Variants in LRP1B observed in about 807,000 individuals in gnomAD.
LRP1B encodes the protein low-density lipoprotein receptor-related protein 1B.
LRP1B carries 217 observed loss-of-function variants against 556.6 expected under a neutral mutation model. The ratio of observed to expected loss-of-function variants is 0.39; its 90% CI spans 0.35 to 0.44. The LOEUF (loss-of-function observed/expected upper bound fraction) is 0.44, where lower values mean the gene tolerates loss of function less well. LRP1B is among the 20% of genes least tolerant of loss of function. The pLI is 1.00. For synonymous variants in LRP1B, 2,047 were observed against 1,865.8 expected, an observed-to-expected ratio of 1.10 and a Z score of -2.50; for missense variants, 5,053 against 5,620.8, an observed-to-expected ratio of 0.90 and a Z score of 3.23.
chr2:140,322,719 C>T (rs528514993), intron 81 of LRP1B, among the ~76,000 whole-genome samples: 8 of 152,082 alleles, frequency 5.3e-5, no homozygotes, highest in African/African-American at 1.9e-4. Flanking sequence ...GCATCCTTTG[C>T]AGTCATAGCT....
At chr2:140,903,431 G>A (rs1355205104) in intron 22 of LRP1B, among the ~76,000 whole-genome samples, 1 of 151,986 alleles carries the variant, frequency 6.6e-6, no homozygotes. Context: ...AGTTTGCTTT[G>A]CCCCACAGAT....
intron 3 of LRP1B, among the ~76,000 whole-genome samples, chr2:141,431,669 T>A (rs1680567167): frequency 6.6e-6 from 1 of 152,180 alleles, no homozygotes; most frequent in African/African-American, 2.4e-5. Flanking sequence ...AATGGTGTGT[T>A]TTTAGGATAT....
At chr2:141,794,135 C>T (rs1695720685) in intron 2 of LRP1B, among the ~76,000 whole-genome samples, 1 of 151,812 alleles carries the variant, frequency 6.6e-6, no homozygotes, top group Non-Finnish European at 1.5e-5. Flanking sequence ...AAGAAAGTAA[C>T]TTTTCCCCCC....
rs146565617 is a variant in LRP1B at position 142,122,811 on chromosome 2, G to T, written c.82+7837C>A. The stretch of plus-strand genomic sequence containing the variant: ...AAAAGTTAATAGAGTTGGATAAAGT[G>T]GAATATTTCAATAAAGCACACTTGC... On this transcript the variant is annotated intron_variant, in intron 1 of 90. Coordinates refer to ENST00000389484, the MANE Select transcript of LRP1B (RefSeq NM_018557.3). Among the ~76,000 whole-genome samples, 526 of 151,912 alleles carry T rather than the reference G, an allele frequency of 3.5e-3. 2 individuals carry two copies. Among genetic ancestry groups the T allele is most frequent in the African/African-American group, 0.012 (478 of 41,462 alleles).
chr2:141,194,763 A>G (rs553271347), intron 6 of LRP1B, among the ~76,000 whole-genome samples: 1 of 152,174 alleles, frequency 6.6e-6, no homozygotes, highest in East Asian at 1.9e-4. Context: ...TATATTAAAT[A>G]AACAAAATAC....
intron 32 of LRP1B, among the ~76,000 whole-genome samples, chr2:140,792,333 G>A (rs1317926653): frequency 6.6e-6 from 1 of 152,032 alleles, no homozygotes; most frequent in Non-Finnish European, 1.5e-5. Flanking sequence ...GAGGGTAGAG[G>A]AAAAGTTTTC....
At chr2:141,683,719 G>T (rs964888465) in intron 2 of LRP1B, among the ~76,000 whole-genome samples, 2 of 152,120 alleles carry the variant, frequency 1.3e-5, no homozygotes, top group African/African-American at 4.8e-5. Flanking sequence ...TAAATTATCA[G>T]CTTGTCTTGA....
At chr2:141,839,819 T>C (rs968857244) in intron 1 of LRP1B, among the ~76,000 whole-genome samples, 1 of 152,172 alleles carries the variant, frequency 6.6e-6, no homozygotes, top group African/African-American at 2.4e-5. Flanking sequence ...GAAATCACAA[T>C]AGATTTACCC....
intron 2 of LRP1B, among the ~76,000 whole-genome samples, chr2:141,765,998 C>T (rs762182569): frequency 2.3e-4 from 35 of 152,218 alleles, no homozygotes; most frequent in Non-Finnish European, 4.3e-4. Context: ...AAAAGGAGCA[C>T]GTGAAAAAAA....
intron 66 of LRP1B, among the ~76,000 whole-genome samples, chr2:140,417,752 A>G (rs531276602): frequency 4.6e-5 from 7 of 152,316 alleles, no homozygotes; most frequent in Admixed American, 3.9e-4. Flanking sequence ...TACATCACCT[A>G]TAGAGAAATG....
intron 66 of LRP1B, among the ~76,000 whole-genome samples, chr2:140,423,409 CAG>C (rs898753063): frequency 1.4e-4 from 21 of 152,056 alleles, no homozygotes; most frequent in Non-Finnish European, 4.4e-5. Context: ...AAGCAAATCA[CAG>C]TGTTAATAAA....
intron 66 of LRP1B, among the ~76,000 whole-genome samples, chr2:140,411,554 C>A (rs1025222879): frequency 1.3e-5 from 2 of 151,954 alleles, no homozygotes; most frequent in African/African-American, 4.8e-5. Context: ...TTAGAAATAG[C>A]CACAGAGACC....
intron 41 of LRP1B, among the ~76,000 whole-genome samples, chr2:140,655,941 T>C (rs1345344263): frequency 7.5e-6 from 1 of 133,416 alleles, no homozygotes; most frequent in Non-Finnish European, 1.6e-5. Context: ...AGACTCCGTC[T>C]CAAAAAAAAC....
At chr2:141,393,879 C>A (rs575748913) in intron 3 of LRP1B, among the ~76,000 whole-genome samples, 5 of 152,130 alleles carry the variant, frequency 3.3e-5, no homozygotes, top group Admixed American at 2.0e-4. Context: ...ATTTCATAGT[C>A]TTGTTTTCAC....
In LRP1B at chr2:142,130,719, A is replaced by T; in HGVS notation, c.11T>A (p.Phe4Tyr). The change falls in exon 1 of 91, where the codon TTT becomes TAT. Residue 4 changes from phenylalanine to tyrosine, a missense_variant. Physicochemically the swap from Phe to Tyr is conservative, Grantham distance 22. This residue lies in a region of LRP1B where 3,619 missense variants were observed against 3,931.9 expected (regional missense o/e 0.92). Transcript: ENST00000389484. Reference sequence around the variant, plus strand: ...CGAGAGAGTGAGTAAGGCGAGGAGAAACTCGGACATTGTGGTCGCCCGGTA... The same window carrying T: ...CGAGAGAGTGAGTAAGGCGAGGAGATACTCGGACATTGTGGTCGCCCGGTA... MSE[F>Y]LLALLTLSGL... The T allele has an allele frequency of 1.2e-6, 2 of 1,612,672 alleles. No individual in the cohort carries two copies. The highest frequency in any genetic ancestry group is 1.1e-5 in the South Asian group (1 of 90,768).
At chr2:140,389,639 C>T (rs1041118063) in intron 66 of LRP1B, among the ~76,000 whole-genome samples, 1 of 148,434 alleles carries the variant, frequency 6.7e-6, no homozygotes, top group Non-Finnish European at 1.5e-5. Context: ...CTAAGAAATG[C>T]AGATACATAT....
At chr2:140,357,302 T>C (rs968149759) in intron 74 of LRP1B, among the ~76,000 whole-genome samples, 8 of 151,564 alleles carry the variant, frequency 5.3e-5, no homozygotes, top group African/African-American at 1.9e-4. Context: ...AATGATACCA[T>C]GGTTTAGACA....
chr2:140,600,164 G>C (rs1298523542), intron 42 of LRP1B, among the ~76,000 whole-genome samples: 1 of 152,072 alleles, frequency 6.6e-6, no homozygotes, highest in Admixed American at 6.6e-5. Flanking sequence ...AATATCATGA[G>C]TGACTGCTTT....
chr2:140,407,254 A>C (rs1311446641), intron 66 of LRP1B, among the ~76,000 whole-genome samples: 5 of 152,022 alleles, frequency 3.3e-5, no homozygotes, highest in African/African-American at 9.7e-5. Context: ...GACAACATTG[A>C]AAAAACTATT....
Sources: gnomAD v4.1 joint callset for allele counts (sites outside exome capture counted in the v4.1 genomes callset) on GRCh38, gnomAD v4.1.1 for gene constraint, gnomAD v4.1.1 regional missense constraint, MANE v1.5 for transcripts, NCBI Gene and HGNC (gene_info 2026-07-23, HGNC 2026-07-21) for gene names.